FGB: variants seen among roughly 807,000 people sequenced by gnomAD.
FGB encodes beta-fibrinogen.
In FGB, 25 loss-of-function variants were observed where a neutral mutation model predicts 57.9. That is an observed-to-expected ratio of 0.43 (90% CI 0.31 to 0.60). FGB has a LOEUF of 0.60. Ranked by LOEUF, FGB falls within the 20% of genes least tolerant of loss-of-function variation. FGB has a pLI of 0.08. For synonymous variants in FGB, 203 were observed against 199.2 expected (o/e 1.02, Z -0.16); for missense variants, 536 against 598.4 (o/e 0.90, Z 1.09).
rs1730431698 is a variant in FGB, at chr4:154,571,643, C to T, written c.*993C>T. On this transcript the variant is annotated 3_prime_UTR_variant, in exon 8 of 8. Transcript: ENST00000302068. ...AGAATATGCCTGTTGCCCATAGAAA[C>T]GAGGTCTATTCTTGTCCTCAATTAG... Among the ~76,000 whole-genome samples, 3 of 152,208 alleles carry T rather than the reference C, an allele frequency of 2.0e-5. No homozygotes were observed. Among genetic ancestry groups the T allele is most frequent in the Middle Eastern group, 3.4e-3 (1 of 294 alleles).
At position 154,571,135 on chromosome 4, in the gene FGB, T is replaced by C; in HGVS notation, c.*485T>C. On this transcript the variant is annotated 3_prime_UTR_variant, in exon 8 of 8. Transcript: ENST00000302068. ...TCCACACATTCAATGAGTTAGGCTT[T>C]GCACTTGTAAGGAAGGAGAAGCGTT... 4.5e-6 allele frequency: 1 copy of C among 220,024 alleles called. No individual in the cohort carries two copies. Among genetic ancestry groups the C allele is most frequent in the South Asian group, 6.6e-5 (1 of 15,242 alleles). The allele number at this position is 220,024 out of a possible 1,614,324, so 13.6% of individuals were successfully genotyped here. A position where few individuals can be genotyped will look rare whatever the true frequency, so the allele number is the denominator to read the frequency against.
rs1295717858 is a variant in FGB at position 154,566,144 on chromosome 4, A to G, written c.306+145A>G. The G allele has an allele frequency of 3.6e-6, 3 of 832,876 alleles. No individual in the cohort carries two copies. In the African/African-American group the frequency reaches 5.2e-5, roughly 14 times the overall value. 51.6% of individuals were successfully genotyped at this position (832,876 alleles called of 1,614,324 possible). ...TTTTGGAAATAAAATTCAAAACATA[A>G]ACATATTGGGCCTTTGGTTTAGGCT... On this transcript the variant is annotated intron_variant, in intron 2 of 7. Coordinates refer to ENST00000302068, the MANE Select transcript of FGB (RefSeq NM_005141.5).
chr4:154,569,112 G>A (rs1459529903), intron 5 of FGB, 70 bp from the exon 6 acceptor site: 3 of 1,520,046 alleles, frequency 2.0e-6, no homozygotes, highest in African/African-American at 1.4e-5. Context: ...AGGGGATTCA[G>A]ATATTATTTT....
At chr4:154,569,905 C>A in intron 7 of FGB, 106 bp downstream of exon 7, 1 of 1,218,328 alleles carries the variant, frequency 8.2e-7, no homozygotes, top group Non-Finnish European at 1.2e-6. Context: ...CACTTACTGT[C>A]AGCCACTGTC....
Position 154,563,113 on chromosome 4 carries a change from G to A in FGB, c.95G>A (p.Gly32Asp). 6.5e-7 allele frequency: 1 copy of A among 1,539,350 alleles called. No individual in the cohort carries two copies. Among genetic ancestry groups the A allele is most frequent in the Non-Finnish European group, 8.9e-7 (1 of 1,129,128 alleles). Residue 32 changes from glycine to aspartate, a missense_variant, in exon 1 of 8, where the codon GGT (glycine) becomes GAT (aspartate). Around this residue, in one of 3 missense-constraint regions of FGB, gnomAD observed 354 missense variants for 383.4 expected, o/e 0.92. Transcript: ENST00000302068. ...TGTGTTTTTCTAGTTAAGTCCCAAG[G>A]TGTCAACGACAATGAGGAGGTGAAT... ...LLCVFLVKSQ[G>D]VNDNEEGFFS...
At chr4:154,568,308 TA>T in intron 4 of FGB, 72 bp from the exon 5 acceptor site, 1 of 823,340 alleles carries the variant, frequency 1.2e-6, no homozygotes, top group Non-Finnish European at 2.2e-6. Flanking sequence ...AATGTTATTT[TA>T]AAGAATTGGT....
In FGB at chr4:154,570,660, C is replaced by G. The variant is rs376861907; in HGVS notation, c.*10C>G. ...CTTCCCACAGCAATAGTCCCCAATA[C>G]GTAGATTTTTGCTCTTCTGTATGTG... On this transcript the variant is annotated 3_prime_UTR_variant, in exon 8 of 8. Transcript: ENST00000302068. The G allele has an allele frequency of 5.6e-6, 9 of 1,602,042 alleles. No homozygotes were observed. The highest frequency in any genetic ancestry group is 5.4e-5 in the African/African-American group (4 of 74,648).
In FGB at chr4:154,565,845, A is replaced by C; in HGVS notation, c.152A>C (p.Lys51Thr). The part of the protein sequence containing the change: ...FSARGHRPLD[K>T]KREEAPSLRP... Reference sequence around the variant, plus strand: ...GCCCGTGGTCATCGACCCCTTGACAAGAAGAGAGAAGAGGCTCCCAGCCTG... The same window carrying C: ...GCCCGTGGTCATCGACCCCTTGACACGAAGAGAGAAGAGGCTCCCAGCCTG... Residue 51 changes from lysine (K) to threonine (T), a missense_variant, in exon 2 of 8, where the codon AAG (lysine) becomes ACG (threonine). By Grantham distance (78) the Lys-to-Thr change is moderately conservative. This residue lies in a region of FGB where 354 missense variants were observed against 383.4 expected (regional missense o/e 0.92). Coordinates refer to ENST00000302068, the MANE Select transcript of FGB (RefSeq NM_005141.5). The C allele has an allele frequency of 1.2e-6, 2 of 1,614,186 alleles. No homozygotes were observed.
intron 7 of FGB, 50 bp downstream of exon 7, chr4:154,569,849 T>G: frequency 6.3e-7 from 1 of 1,596,592 alleles, no homozygotes; most frequent in East Asian, 2.2e-5. Flanking sequence ...CTAATATCAT[T>G]ACTCAGAATC....
At position 154,572,191 on chromosome 4, in the gene FGB, GT is replaced by G. The variant is rs1560819967; in HGVS notation, c.*1546del. Among the ~76,000 whole-genome samples, 1 of 152,058 alleles carries G rather than the reference GT, an allele frequency of 6.6e-6. No individual in the cohort carries two copies. The highest frequency in any genetic ancestry group is 2.4e-5 in the African/African-American group (1 of 41,406). ...ATAACCTACATTTTTGTCACATTAAGTTTTTCCCCATTCCAGGACAGGTCAG... is the reference window on the plus strand; with the variant it reads ...ATAACCTACATTTTTGTCACATTAAGTTTTCCCCATTCCAGGACAGGTCAG... On this transcript the variant is annotated 3_prime_UTR_variant, in exon 8 of 8. Coordinates refer to ENST00000302068, the MANE Select transcript of FGB (RefSeq NM_005141.5).
chr4:154,566,337 A>G, intron 2 of FGB, 152 bp from the exon 3 acceptor site: 3 of 728,268 alleles, frequency 4.1e-6, no homozygotes, highest in Non-Finnish European at 7.1e-6. Flanking sequence ...TGAGAGTATG[A>G]TGATGACTTT....
chr4:154,567,553 C>A, intron 3 of FGB, 40 bp from the exon 4 acceptor site: 1 of 1,313,490 alleles, frequency 7.6e-7, no homozygotes, highest in Non-Finnish European at 1.1e-6. Flanking sequence ...TTTTATGAGG[C>A]AAAAATGCTA....
chr4:154,565,199 G>A (rs979222113), intron 1 of FGB: 4 of 463,386 alleles, frequency 8.6e-6, no homozygotes, highest in Non-Finnish European at 1.8e-5. Context: ...AGAAAACTGG[G>A]GCACAGATAA....
At position 154,568,682 on chromosome 4, in the gene FGB, C is replaced by CA. The variant is rs1234971217; in HGVS notation, c.832+202dup. Among the ~76,000 whole-genome samples, 31,677 of 84,204 alleles carry CA rather than the reference C, an allele frequency of 0.38. 4,525 individuals are homozygous for CA. Among genetic ancestry groups the CA allele is most frequent in the Middle Eastern group, 0.49 (90 of 182 alleles). 55.2% of individuals were successfully genotyped at this position (84,204 alleles called of 152,430 possible). On this transcript the variant is annotated intron_variant, in intron 5 of 7. Transcript: ENST00000302068. ...GCAACATAATGAGACCCTAACTCTA[C>CA]AAAAAAAAAAAAAATACCAAAAAAA...
chr4:154,565,509 G>T, intron 1 of FGB: 2 of 374,728 alleles, frequency 5.3e-6, no homozygotes, highest in Non-Finnish European at 9.9e-6. Context: ...AATTTCGTAA[G>T]TTCCAATGTA....
At chr4:154,564,638 A>G (rs1560816289) in intron 1 of FGB, among the ~76,000 whole-genome samples, 1 of 152,158 alleles carries the variant, frequency 6.6e-6, no homozygotes, top group Non-Finnish European at 1.5e-5. Context: ...AATTCCAAAT[A>G]GAGTTCATCT....
intron 1 of FGB, 44 bp from the exon 2 acceptor site, chr4:154,565,764 C>T (rs765435293): frequency 1.3e-6 from 2 of 1,566,944 alleles, no homozygotes; most frequent in Admixed American, 1.7e-5. Context: ...CATTCCAAAT[C>T]TTCTATAACA....
Position 154,570,696 on chromosome 4 carries a change from TG to T in FGB, c.*47del. 7.1e-7 allele frequency: 1 copy of T among 1,403,068 alleles called. No homozygotes were observed. The highest frequency in any genetic ancestry group is 1.0e-6 in the Non-Finnish European group (1 of 990,648). 86.9% of individuals were successfully genotyped at this position (1,403,068 alleles called of 1,614,324 possible). On this transcript the variant is annotated 3_prime_UTR_variant, in exon 8 of 8. Coordinates refer to ENST00000302068, the MANE Select transcript of FGB (RefSeq NM_005141.5). ...GCTCTTCTGTATGTGACAACATTTT[TG>T]TACATTATGTTATTGGAATTTTCTT... is the stretch of plus-strand genomic sequence containing the variant.
chr4:154,564,885 A>T (rs1179424646), intron 1 of FGB, among the ~76,000 whole-genome samples: 1 of 152,232 alleles, frequency 6.6e-6, no homozygotes, highest in Non-Finnish European at 1.5e-5. Context: ...ACAATGCACA[A>T]GCCTTGAGAA....
Sources: gnomAD v4.1 joint callset for allele counts (sites outside exome capture counted in the v4.1 genomes callset) on GRCh38, gnomAD v4.1.1 for gene constraint, gnomAD v4.1.1 regional missense constraint, MANE v1.5 for transcripts, NCBI Gene and HGNC (gene_info 2026-07-23, HGNC 2026-07-21) for gene names.